VAV3: variants seen among roughly 807,000 people sequenced by gnomAD.
VAV3 encodes the protein vav guanine nucleotide exchange factor 3.
Under a neutral mutation model 131.2 loss-of-function variants are expected in VAV3, and 94 were observed. The ratio of observed to expected loss-of-function variants is 0.72; its 90% CI spans 0.61 to 0.85. VAV3 has a LOEUF of 0.85. VAV3 is among the 40% of genes least tolerant of loss of function. The pLI is 0.00. For synonymous variants in VAV3, 349 were observed against 342.0 expected (o/e 1.02, Z -0.22); for missense variants, 939 against 1,002.7 (o/e 0.94, Z 0.86).
At chr1:107,575,109 A>T (rs1370208857) in intron 25 of VAV3, among the ~76,000 whole-genome samples, 3 of 151,894 alleles carry the variant, frequency 2.0e-5, no homozygotes, top group Non-Finnish European at 4.4e-5. Context: ...ACTCCATTCC[A>T]GTGGTTCATG....
At chr1:107,720,620 G>C (rs1661438301) in intron 15 of VAV3, among the ~76,000 whole-genome samples, 1 of 152,136 alleles carries the variant, frequency 6.6e-6, no homozygotes, top group Non-Finnish European at 1.5e-5. Flanking sequence ...AGAGGATGCA[G>C]TGAGCTGAGA....
chr1:107,773,848 A>G (rs1665187696), intron 4 of VAV3, among the ~76,000 whole-genome samples: 1 of 152,170 alleles, frequency 6.6e-6, no homozygotes, highest in Non-Finnish European at 1.5e-5. Context: ...ATATAAAATG[A>G]TGAAAAAACA....
chr1:107,950,835 A>G (rs1471953314), intron 1 of VAV3, among the ~76,000 whole-genome samples: 5 of 152,172 alleles, frequency 3.3e-5, no homozygotes, highest in South Asian at 2.1e-4. Flanking sequence ...CAGGGAGGAT[A>G]ATGGCTTAGT....
intron 24 of VAV3, among the ~76,000 whole-genome samples, chr1:107,600,935 T>A (rs1346383940): frequency 6.6e-6 from 1 of 152,198 alleles, no homozygotes; most frequent in African/African-American, 2.4e-5. Flanking sequence ...CAGCAGTTTT[T>A]TAAGTCCCAT....
chr1:107,689,509 GCTTTT>G (rs1659272424), intron 17 of VAV3, among the ~76,000 whole-genome samples: 1 of 151,876 alleles, frequency 6.6e-6, no homozygotes, highest in African/African-American at 2.4e-5. Flanking sequence ...TTTCTCTCTA[GCTTTT>G]TTTTTTCTTT....
chr1:107,708,560 G>C (rs566423290), intron 15 of VAV3, among the ~76,000 whole-genome samples: 34 of 152,216 alleles, frequency 2.2e-4, no homozygotes, highest in Admixed American at 3.3e-4. Context: ...GCTGTCCTTA[G>C]ATGTTCTCTT....
At chr1:107,713,250 A>G (rs1378960343) in intron 15 of VAV3, among the ~76,000 whole-genome samples, 1 of 152,172 alleles carries the variant, frequency 6.6e-6, no homozygotes, top group East Asian at 1.9e-4. Context: ...CAAAAATACA[A>G]GTATTTGGAG....
intron 1 of VAV3, among the ~76,000 whole-genome samples, chr1:107,913,851 A>G (rs1672486186): frequency 6.6e-6 from 1 of 152,196 alleles, no homozygotes; most frequent in Admixed American, 6.5e-5. Flanking sequence ...GCTGGAGTGA[A>G]GTGGCATGAT....
At chr1:107,801,663 T>C (rs559983944) in intron 2 of VAV3, among the ~76,000 whole-genome samples, 169 of 152,276 alleles carry the variant, frequency 1.1e-3, no homozygotes, top group Non-Finnish European at 2.1e-3. Flanking sequence ...CCAGCTGTTC[T>C]GTATCTCACT....
At chr1:107,722,412 A>T (rs186398730) in intron 15 of VAV3, among the ~76,000 whole-genome samples, 1 of 152,226 alleles carries the variant, frequency 6.6e-6, no homozygotes. Flanking sequence ...GAGGCAAAAA[A>T]GCATACAGAA....
At chr1:107,763,588 A>T (rs576156136) in intron 9 of VAV3, among the ~76,000 whole-genome samples, 1 of 152,228 alleles carries the variant, frequency 6.6e-6, no homozygotes, top group Admixed American at 6.5e-5. Flanking sequence ...AGGAGGCTCT[A>T]TTCTGCAAAG....
intron 19 of VAV3, among the ~76,000 whole-genome samples, chr1:107,665,215 T>G (rs989824622): frequency 1.3e-5 from 2 of 152,164 alleles, no homozygotes; most frequent in Non-Finnish European, 2.9e-5. Context: ...AATAATTTAC[T>G]AAATACCAGT....
rs72689625 is a variant in VAV3 at position 107,888,754 on chromosome 1, G to C, written c.205-13737C>G. ...GATTACAGATATGAGCCACTGGGCCGGGCCTACCCTGACTCACTTTGAAAC... is the reference window on the plus strand; with the variant it reads ...GATTACAGATATGAGCCACTGGGCCCGGCCTACCCTGACTCACTTTGAAAC... On this transcript the variant is annotated intron_variant, in intron 1 of 26. Coordinates refer to ENST00000370056, the MANE Select transcript of VAV3 (RefSeq NM_006113.5). Among the ~76,000 whole-genome samples, 5 of 151,856 alleles carry C rather than the reference G, an allele frequency of 3.3e-5. No homozygotes were observed. The East Asian group carries it at 7.7e-4, about 23-fold the overall frequency.
intron 1 of VAV3, among the ~76,000 whole-genome samples, chr1:107,891,713 C>T (rs7548125): frequency 0.068 from 10,305 of 151,946 alleles, 473 homozygotes; most frequent in East Asian, 0.21. Flanking sequence ...GTGGTGTATG[C>T]CTGTAATCCC....
chr1:107,719,884 A>G (rs1238906058), intron 15 of VAV3, among the ~76,000 whole-genome samples: 2 of 152,242 alleles, frequency 1.3e-5, no homozygotes, highest in East Asian at 3.8e-4. Flanking sequence ...CAGCCATTAA[A>G]AAGGATGAGT....
intron 20 of VAV3, among the ~76,000 whole-genome samples, chr1:107,628,075 T>A (rs1171762222): frequency 6.7e-6 from 1 of 149,470 alleles, no homozygotes; most frequent in Admixed American, 6.9e-5. Flanking sequence ...TGAGAAGACG[T>A]CAGAAAAGGC....
At chr1:107,735,706 C>T (rs577208581) in intron 15 of VAV3, among the ~76,000 whole-genome samples, 2 of 152,198 alleles carry the variant, frequency 1.3e-5, no homozygotes, top group African/African-American at 4.8e-5. Flanking sequence ...GAAATTCAGG[C>T]AATAATTAAT....
At chr1:107,728,227 A>C (rs887748949) in intron 15 of VAV3, among the ~76,000 whole-genome samples, 9 of 152,180 alleles carry the variant, frequency 5.9e-5, no homozygotes, top group Admixed American at 3.9e-4. Context: ...GATATAGAGC[A>C]AAGAGTCAGA....
chr1:107,747,436 C>T (rs1663421804), intron 15 of VAV3, among the ~76,000 whole-genome samples: 2 of 151,998 alleles, frequency 1.3e-5, no homozygotes, highest in South Asian at 4.2e-4. Flanking sequence ...ACCCAATCAT[C>T]CTATCACTCC....
Sources: gnomAD v4.1 joint callset for allele counts (sites outside exome capture counted in the v4.1 genomes callset) on GRCh38, gnomAD v4.1.1 for gene constraint, MANE v1.5 for transcripts, NCBI Gene and HGNC (gene_info 2026-07-23, HGNC 2026-07-21) for gene names.